The following NELL1 variants were observed in gnomAD, a reference collection of about 807,000 sequenced individuals.
The protein encoded by NELL1 is neural EGFL like 1.
A neutral mutation model predicts 107.4 loss-of-function variants in NELL1; 76 were observed. The ratio of observed to expected loss-of-function variants is 0.71; its 90% confidence interval spans 0.59 to 0.86. The LOEUF is 0.86. NELL1 is among the 40% of genes least tolerant of loss of function. The pLI is 0.00. For missense variants in NELL1, 1,024 were observed against 1,005.5 expected (o/e 1.02, Z -0.25); for synonymous variants, 353 against 341.2 (o/e 1.03, Z -0.38).
chr11:21,066,153 G>GAT (rs1176526028), intron 12 of NELL1, among the ~76,000 whole-genome samples: 14 of 152,178 alleles, frequency 9.2e-5, no homozygotes, highest in African/African-American at 2.9e-4. Flanking sequence ...ATATTTGAGT[G>GAT]ATGAATGATG....
At chr11:21,055,722 G>C (rs1397057346) in intron 12 of NELL1, among the ~76,000 whole-genome samples, 1 of 152,106 alleles carries the variant, frequency 6.6e-6, no homozygotes, top group Non-Finnish European at 1.5e-5. Context: ...AGGTGGGAGA[G>C]GTGGGTCAGG....
intron 15 of NELL1, among the ~76,000 whole-genome samples, chr11:21,427,833 C>G (rs950022871): frequency 5.9e-5 from 9 of 152,262 alleles, no homozygotes; most frequent in Non-Finnish European, 1.2e-4. Context: ...CACTCCTAAC[C>G]TAATAGACTT....
At chr11:20,689,465 G>A (rs1854397859) in intron 2 of NELL1, among the ~76,000 whole-genome samples, 1 of 119,590 alleles carries the variant, frequency 8.4e-6, no homozygotes, top group South Asian at 2.9e-4. Flanking sequence ...TCCCCAGAGT[G>A]TGATGTTCCC....
At chr11:21,248,191 A>AG (rs963961590) in intron 14 of NELL1, among the ~76,000 whole-genome samples, 2 of 152,054 alleles carry the variant, frequency 1.3e-5, no homozygotes, top group African/African-American at 4.8e-5. Context: ...CCAAAATACA[A>AG]AAAATTAGCT....
chr11:20,967,735 A>G (rs943186845), intron 12 of NELL1, among the ~76,000 whole-genome samples: 7 of 152,132 alleles, frequency 4.6e-5, no homozygotes, highest in African/African-American at 1.7e-4. Flanking sequence ...CTTGCCCACC[A>G]TAGTCCATCT....
rs1043616599 is a variant in NELL1 at position 21,428,577 on chromosome 11, G to T, written c.1645+57629G>T. 2.0e-3 allele frequency among the ~76,000 whole-genome samples: 309 copies of T among 151,876 alleles called. 7 individuals carry two copies. The highest frequency in any genetic ancestry group is 0.02 in the Admixed American group (307 of 15,224). On this transcript the variant is annotated intron_variant, in intron 15 of 19. Transcript: ENST00000357134. ...CAGATTAATTTGAAATTATTGTCTT[G>T]CTTTACTCAAAAGAAAAACCTCAAC... is the stretch of plus-strand genomic sequence containing the variant.
At chr11:20,931,141 G>A (rs1850609125) in intron 9 of NELL1, among the ~76,000 whole-genome samples, 2 of 151,978 alleles carry the variant, frequency 1.3e-5, no homozygotes, top group South Asian at 4.1e-4. Flanking sequence ...AGGTAGAGAC[G>A]TGGTTTACAG....
intron 12 of NELL1, among the ~76,000 whole-genome samples, chr11:21,001,260 T>A (rs770248729): frequency 1.3e-5 from 2 of 152,232 alleles, no homozygotes; most frequent in Non-Finnish European, 2.9e-5. Context: ...AGCTGAGGAT[T>A]AAATAAAACA....
At chr11:20,835,214 C>A (rs1199364840) in intron 3 of NELL1, among the ~76,000 whole-genome samples, 1 of 152,186 alleles carries the variant, frequency 6.6e-6, no homozygotes, top group Non-Finnish European at 1.5e-5. Context: ...GATCTCCTCT[C>A]CTCGTTTTAA....
chr11:20,731,648 T>TA (rs1855647087), intron 2 of NELL1, among the ~76,000 whole-genome samples: 2 of 152,198 alleles, frequency 1.3e-5, no homozygotes, highest in South Asian at 2.1e-4. Flanking sequence ...ATTCCAGACT[T>TA]ACAATTCACA....
chr11:20,879,711 A>C (rs959068717), intron 4 of NELL1, among the ~76,000 whole-genome samples: 2 of 152,236 alleles, frequency 1.3e-5, no homozygotes, highest in Non-Finnish European at 2.9e-5. Context: ...GTTTATGATT[A>C]ACTTTCCACA....
chr11:21,189,365 A>G (rs1040012207), intron 13 of NELL1, among the ~76,000 whole-genome samples: 4 of 151,774 alleles, frequency 2.6e-5, no homozygotes, highest in Non-Finnish European at 5.9e-5. Flanking sequence ...TCCTAGGTTT[A>G]TTTATTTTAT....
At chr11:21,085,238 G>T (rs79120170) in intron 12 of NELL1, among the ~76,000 whole-genome samples, 1,706 of 152,212 alleles carry the variant, frequency 0.011, 32 homozygotes, top group African/African-American at 0.039. Flanking sequence ...GAAGAAATAG[G>T]TGACAAATAA....
At chr11:21,197,205 T>G (rs1197451215) in intron 13 of NELL1, among the ~76,000 whole-genome samples, 1 of 150,666 alleles carries the variant, frequency 6.6e-6, no homozygotes, top group African/African-American at 2.4e-5. Context: ...AGCCAGTCTT[T>G]TTTTTTTTTT....
At chr11:21,035,723 G>A (rs1401581267) in intron 12 of NELL1, among the ~76,000 whole-genome samples, 2 of 152,072 alleles carry the variant, frequency 1.3e-5, no homozygotes, top group Non-Finnish European at 2.9e-5. Flanking sequence ...GGGTATCGAA[G>A]GAACATACTT....
intron 13 of NELL1, among the ~76,000 whole-genome samples, chr11:21,220,509 G>A (rs1279412655): frequency 6.6e-6 from 1 of 151,978 alleles, no homozygotes; most frequent in Admixed American, 6.6e-5. Flanking sequence ...TCATGAACAT[G>A]GAATAGTTTT....
chr11:20,721,188 T>C (rs1855376068), intron 2 of NELL1, among the ~76,000 whole-genome samples: 1 of 141,568 alleles, frequency 7.1e-6, no homozygotes, highest in Non-Finnish European at 1.5e-5. Flanking sequence ...TGTGTATATA[T>C]ATATATATAG....
intron 15 of NELL1, among the ~76,000 whole-genome samples, chr11:21,473,633 T>A (rs907092597): frequency 6.6e-6 from 1 of 152,052 alleles, no homozygotes; most frequent in African/African-American, 2.4e-5. Flanking sequence ...TAACTTGGCA[T>A]TCCCTTAGTG....
At chr11:21,346,650 A>G (rs1850689125) in intron 14 of NELL1, among the ~76,000 whole-genome samples, 2 of 148,126 alleles carry the variant, frequency 1.4e-5, no homozygotes, top group Non-Finnish European at 3.0e-5. Context: ...TATATGATAT[A>G]ATATCAATTT....
Sources: gnomAD v4.1 joint callset for allele counts (sites outside exome capture counted in the v4.1 genomes callset) on GRCh38, gnomAD v4.1.1 for gene constraint, MANE v1.5 for transcripts, NCBI Gene and HGNC (gene_info 2026-07-23, HGNC 2026-07-21) for gene names.